Variants in SEPTIN9 observed in about 807,000 individuals in gnomAD.
SEPTIN9 encodes septin-9.
In SEPTIN9, 13 loss-of-function variants were observed where a neutral mutation model predicts 56.6. The observed-to-expected ratio is 0.23, with a 90% confidence interval of 0.15 to 0.37. The LOEUF is 0.37. SEPTIN9 is among the 10% of genes least tolerant of loss of function. The pLI is 1.00. For missense variants in SEPTIN9, 650 were observed against 823.1 expected (o/e 0.79, Z 2.57); for synonymous variants, 332 against 334.1 (o/e 0.99, Z 0.07).
chr17:77,429,357 T>C lies in SEPTIN9; in HGVS notation c.721+26654T>C, dbSNP rs1349507662. 1 of 451,212 alleles carries C rather than the reference T, an allele frequency of 2.2e-6. No individual in the cohort carries two copies. Among genetic ancestry groups the C allele is most frequent in the South Asian group, 1.6e-5 (1 of 62,344 alleles). The allele number at this position is 451,212 out of a possible 1,614,324, so 28.0% of individuals were successfully genotyped here. ...CAGCCCACCTGGCTGAGAGGTGTGC[T>C]GGCTCTCGCAGGTTGCAAAATGGGG... On this transcript the variant is annotated intron_variant, in intron 3 of 11. Transcript: ENST00000427177. This position sits in a 1 kb window ranked among gnomAD's most constrained non-coding sequence, Gnocchi z 5.2.
intron 3 of SEPTIN9, among the ~76,000 whole-genome samples, chr17:77,480,285 C>G (rs2039401772): frequency 6.6e-6 from 1 of 152,214 alleles, no homozygotes; most frequent in Non-Finnish European, 1.5e-5. Context: ...TAAACCAGCC[C>G]CCAGTTTCTG....
At chr17:77,490,916 G>T in intron 8 of SEPTIN9, 57 bp downstream of exon 8, 1 of 1,355,730 alleles carries the variant, frequency 7.4e-7, no homozygotes, top group Non-Finnish European at 1.0e-6. Context: ...GACGCTGCAG[G>T]CCTGGCAGGG....
Position 77,493,043 on chromosome 17 carries a change from C to T in SEPTIN9, c.1540C>T (p.Leu514Phe). The change falls in exon 10 of 12, where the codon CTT (leucine) becomes TTT (phenylalanine). Residue 514 changes from leucine (L) to phenylalanine (F), a missense_variant. Leu to Phe is a conservative substitution (Grantham distance 22, BLOSUM62 0). This residue lies in a region of SEPTIN9 where 333 missense variants were observed against 494.0 expected (regional missense o/e 0.67). Coordinates refer to ENST00000427177, the MANE Select transcript of SEPTIN9 (RefSeq NM_001113491.2). ...HEYQVNGKRI[L>F]GRKTKWGTIE... ...GTACCAGGTCAACGGCAAGAGGATC[C>T]TTGGGAGGAAGACCAAGTGGGGTAC... 6.4e-7 allele frequency: 1 copy of T among 1,565,414 alleles called. No homozygotes were observed. Among genetic ancestry groups the T allele is most frequent in the African/African-American group, 1.4e-5 (1 of 73,680 alleles).
chr17:77,366,282 G>A (rs999689895), intron 2 of SEPTIN9, among the ~76,000 whole-genome samples: 4 of 152,122 alleles, frequency 2.6e-5, no homozygotes, highest in African/African-American at 7.2e-5. Context: ...AGTCTCAGAC[G>A]GGTGCTAGGA....
intron 1 of SEPTIN9, among the ~76,000 whole-genome samples, chr17:77,283,587 C>A (rs193243481): frequency 3.7e-4 from 57 of 152,296 alleles, no homozygotes; most frequent in Admixed American, 2.3e-3. Context: ...AAGGCTCTGA[C>A]AATCCAAGGA....
At chr17:77,316,077 T>C (rs1362796685) in intron 2 of SEPTIN9, among the ~76,000 whole-genome samples, 2 of 152,222 alleles carry the variant, frequency 1.3e-5, no homozygotes, top group East Asian at 3.9e-4. Context: ...GTAGGATTAC[T>C]CAGTGCGTTT....
intron 3 of SEPTIN9, among the ~76,000 whole-genome samples, chr17:77,464,691 C>G (rs1042477056): frequency 1.3e-5 from 2 of 151,890 alleles, no homozygotes; most frequent in African/African-American, 4.8e-5. Context: ...AGCTTCGCCT[C>G]CCAGGTTCAC....
chr17:77,373,633 G>C, intron 2 of SEPTIN9: 3 of 1,509,188 alleles, frequency 2.0e-6, no homozygotes, highest in South Asian at 2.5e-5. Context: ...ACGGGGGTGC[G>C]CTGAGGGGAG....
Position 77,499,251 on chromosome 17 carries a change from G to GC in SEPTIN9, c.*598dup, listed in dbSNP as rs2040409112. ...GCCACCGACTGCCCAGCCACTCCAAGCCCCCTGGCAGCTGCCCCTCCTGGA... is the reference window on the plus strand; with the variant it reads ...GCCACCGACTGCCCAGCCACTCCAAGCCCCCCTGGCAGCTGCCCCTCCTGGA... On this transcript the variant is annotated 3_prime_UTR_variant, in exon 12 of 12. Coordinates refer to ENST00000427177, the MANE Select transcript of SEPTIN9 (RefSeq NM_001113491.2). 2 of 595,910 alleles carry GC rather than the reference G, an allele frequency of 3.4e-6. No homozygotes were observed. The highest frequency in any genetic ancestry group is 6.5e-6 in the Non-Finnish European group (2 of 308,190). The allele number at this position is 595,910 out of a possible 1,614,324, so 36.9% of individuals were successfully genotyped here.
At chr17:77,423,040 T>C (rs918349290) in intron 3 of SEPTIN9, among the ~76,000 whole-genome samples, 2 of 151,606 alleles carry the variant, frequency 1.3e-5, no homozygotes, top group Non-Finnish European at 2.9e-5. Context: ...TACCTGCATC[T>C]TTTTTTTTCT....
At position 77,367,262 on chromosome 17, in the gene SEPTIN9, G is replaced by A. The variant is rs1598261818; in HGVS notation, c.77-34797G>A. Reference sequence around the variant, plus strand: ...TTGGCCCAGGTGGAAACCATGCACTGTCTGTGATCCTGGGCATGTCGAGGC... The same window carrying A: ...TTGGCCCAGGTGGAAACCATGCACTATCTGTGATCCTGGGCATGTCGAGGC... On this transcript the variant is annotated intron_variant, in intron 2 of 11. Transcript: ENST00000427177. This position sits in a 1 kb window ranked among gnomAD's most constrained non-coding sequence, Gnocchi z 4.5. Among the ~76,000 whole-genome samples, 1 of 152,224 alleles carries A rather than the reference G, an allele frequency of 6.6e-6. No individual in the cohort carries two copies. Among genetic ancestry groups the A allele is most frequent in the South Asian group, 2.1e-4 (1 of 4,832 alleles).
intron 2 of SEPTIN9, among the ~76,000 whole-genome samples, chr17:77,372,314 T>C (rs1001839453): frequency 1.3e-5 from 2 of 152,160 alleles, no homozygotes; most frequent in Non-Finnish European, 2.9e-5. Context: ...TTCTTGAGGA[T>C]GAGAGCCTGT....
At chr17:77,365,270 A>G (rs1042453160) in intron 2 of SEPTIN9, among the ~76,000 whole-genome samples, 1 of 151,986 alleles carries the variant, frequency 6.6e-6, no homozygotes, top group Non-Finnish European at 1.5e-5. Flanking sequence ...TTGCTCCCTT[A>G]TTGAGTCTCT....
intron 3 of SEPTIN9, among the ~76,000 whole-genome samples, chr17:77,479,705 G>A (rs2039370550): frequency 6.9e-6 from 1 of 145,942 alleles, no homozygotes; most frequent in African/African-American, 2.7e-5. Context: ...CAGGGGCGTT[G>A]GGGGCGAGAA....
chr17:77,477,543 A>C (rs1479389951), intron 3 of SEPTIN9, among the ~76,000 whole-genome samples: 2 of 151,956 alleles, frequency 1.3e-5, no homozygotes, highest in African/African-American at 4.8e-5. Flanking sequence ...CTGTTGGCGG[A>C]TGTGTTAGTT....
intron 1 of SEPTIN9, chr17:77,281,917 TC>T (rs1471822589): frequency 3.6e-6 from 1 of 278,234 alleles, no homozygotes; most frequent in African/African-American, 2.2e-5. Context: ...TGGAGGGGTG[TC>T]CTTGGGTTCA....
intron 2 of SEPTIN9, among the ~76,000 whole-genome samples, chr17:77,315,251 C>G (rs1269244853): frequency 6.6e-6 from 1 of 151,562 alleles, no homozygotes; most frequent in Non-Finnish European, 1.5e-5. Flanking sequence ...AGAAGCAGTT[C>G]CTAGGCCAAG....
At chr17:77,440,986 A>C (rs2037527873) in intron 3 of SEPTIN9, among the ~76,000 whole-genome samples, 1 of 152,168 alleles carries the variant, frequency 6.6e-6, no homozygotes, top group Admixed American at 6.5e-5. Context: ...TCTGGCACAA[A>C]GGGTTTGTGG....
At chr17:77,373,286 G>C (rs1457072089) in intron 2 of SEPTIN9, 1 of 1,155,434 alleles carries the variant, frequency 8.7e-7, no homozygotes, top group African/African-American at 1.6e-5. Flanking sequence ...AGGCGGGGGC[G>C]GGGCGGGGGC....
Sources: allele counts gnomAD v4.1 joint callset (sites outside exome capture counted in the v4.1 genomes callset), GRCh38; gene constraint gnomAD v4.1.1; regional missense constraint gnomAD v4.1.1; non-coding constraint Gnocchi (gnomAD v3.1); transcripts MANE v1.5; gene names NCBI Gene and HGNC (gene_info 2026-07-23, HGNC 2026-07-21).